Variants in LAMC2 observed in about 807,000 individuals in gnomAD.
The protein encoded by LAMC2 is laminin subunit gamma 2, also known as laminin subunit gamma-2.
Under a neutral mutation model 140.2 loss-of-function variants are expected in LAMC2, and 97 were observed. The ratio of observed to expected loss-of-function variants is 0.69; its 90% CI spans 0.59 to 0.82. LAMC2 has a LOEUF of 0.82. Ranked by LOEUF, LAMC2 falls within the 40% of genes least tolerant of loss-of-function variation. LAMC2 has a pLI of 0.00. For missense variants in LAMC2, 1,402 were observed against 1,476.1 expected (o/e 0.95, Z 0.82); for synonymous variants, 513 against 540.2 (o/e 0.95, Z 0.70).
At chr1:183,198,402 C>A (rs2102177834) in intron 1 of LAMC2, among the ~76,000 whole-genome samples, 1 of 152,188 alleles carries the variant, frequency 6.6e-6, no homozygotes, top group South Asian at 2.1e-4. Context: ...CTTGGCCTCC[C>A]AAAGTGCTGG....
intron 2 of LAMC2, among the ~76,000 whole-genome samples, chr1:183,208,648 GC>G (rs1488248768): frequency 1.3e-5 from 2 of 152,116 alleles, no homozygotes; most frequent in African/African-American, 2.4e-5. Context: ...TAATGGGGTG[GC>G]TGGTTCATAG....
At chr1:183,186,456 A>G in intron 1 of LAMC2, 25 bp downstream of exon 1, 1 of 1,600,244 alleles carries the variant, frequency 6.2e-7, no homozygotes, top group Admixed American at 1.7e-5. Context: ...ACAAGGAAAC[A>G]TCTCAGCCCT....
chr1:183,236,559 G>T lies in LAMC2; in HGVS notation c.2556G>T (p.Leu852=). 6.2e-7 allele frequency: 1 copy of T among 1,614,132 alleles called. No homozygotes were observed. Residue 852 remains leucine, a synonymous_variant, in exon 17 of 23, where the codon CTG becomes CTT. Coordinates refer to ENST00000264144, the MANE Select transcript of LAMC2 (RefSeq NM_005562.3). ...CTTATCAGCACAGTCTCCGCCTCCTGGATTCAGTGTCTCGGCTTCAGGGAG... is the reference window on the plus strand; with the variant it reads ...CTTATCAGCACAGTCTCCGCCTCCTTGATTCAGTGTCTCGGCTTCAGGGAG... ...DRSYQHSLRL[L]DSVSRLQGVS...
chr1:183,188,496 A>G (rs1487000272), intron 1 of LAMC2, among the ~76,000 whole-genome samples: 1 of 152,238 alleles, frequency 6.6e-6, no homozygotes, highest in Admixed American at 6.5e-5. Context: ...CTTTAGAGTC[A>G]GCCTGACCTG....
At chr1:183,251,288 G>A in the LAMC2 span, 1 of 152,170 alleles carries the variant, frequency 6.6e-6, no homozygotes, top group Non-Finnish European at 1.5e-5. Context: ...ACAAGACCAA[G>A]GCACTGCTTC....
chr1:183,242,440 GC>G (rs1346747042), intron 22 of LAMC2, among the ~76,000 whole-genome samples: 1 of 152,152 alleles, frequency 6.6e-6, no homozygotes, highest in Non-Finnish European at 1.5e-5. Flanking sequence ...ATTGACCAAG[GC>G]CACTCAAACC....
chr1:183,239,706 A>G (rs761873576), intron 20 of LAMC2, 143 bp downstream of exon 20: 42 of 726,690 alleles, frequency 5.8e-5, no homozygotes, highest in Admixed American at 2.5e-4. Context: ...TTAAAAGACT[A>G]TGGTAGCAAA....
Position 183,232,314 on chromosome 1 carries a change from A to G in LAMC2, c.1985A>G (p.Asp662Gly), listed in dbSNP as rs773417473. ...CAGCAGGCTGAGCAGGCCCTTCAGG[A>G]CATTCTGAGAGATGCCCAGATTTCA... ...RMQQAEQALQ[D>G]ILRDAQISEG... is the part of the protein sequence containing the mutation. The change falls in exon 13 of 23, where the codon GAC (aspartate) becomes GGC (glycine). Residue 662 changes from aspartate (D) to glycine (G), a missense_variant. Around this residue, in one of 3 missense-constraint regions of LAMC2, gnomAD observed 670 missense variants for 667.2 expected, o/e 1.00. Transcript: ENST00000264144. The G allele has an allele frequency of 6.2e-7, 1 of 1,614,122 alleles. No homozygotes were observed. Among genetic ancestry groups the G allele is most frequent in the South Asian group, 1.1e-5 (1 of 91,076 alleles).
At chr1:183,187,495 T>C (rs1186366704) in intron 1 of LAMC2, among the ~76,000 whole-genome samples, 1 of 128,778 alleles carries the variant, frequency 7.8e-6, no homozygotes, top group African/African-American at 2.6e-5. Flanking sequence ...CCATGTATGA[T>C]TGCCACCAAA....
chr1:183,226,552 A>C, intron 8 of LAMC2, 146 bp from the exon 9 acceptor site: 1 of 731,598 alleles, frequency 1.4e-6, no homozygotes, highest in Non-Finnish European at 2.4e-6. Flanking sequence ...ACAGTGGGAG[A>C]CTGCCATACC....
At position 183,231,799 on chromosome 1, in the gene LAMC2, C is replaced by G. The variant is rs189948472; in HGVS notation, c.1858-388C>G. Among the ~76,000 whole-genome samples, 124 of 152,282 alleles carry G rather than the reference C, an allele frequency of 8.1e-4. 1 individual carries two copies. Among genetic ancestry groups the G allele is most frequent in the African/African-American group, 2.7e-3 (112 of 41,564 alleles). On this transcript the variant is annotated intron_variant, in intron 12 of 22. Transcript: ENST00000264144. ...TTTTCAAACTGATCTATTTAACAAG[C>G]CTTTTACGCACTTCCTTTGTGTCAG... is the stretch of plus-strand genomic sequence containing the variant.
the LAMC2 span, among the ~76,000 whole-genome samples, chr1:183,255,203 T>C: frequency 6.6e-6 from 1 of 152,226 alleles, no homozygotes; most frequent in African/African-American, 2.4e-5. Flanking sequence ...TTTTGGTACC[T>C]TTGTCAAAAA....
At chr1:183,216,236 A>G (rs1489071921) in intron 3 of LAMC2, among the ~76,000 whole-genome samples, 1 of 152,150 alleles carries the variant, frequency 6.6e-6, no homozygotes, top group Non-Finnish European at 1.5e-5. Flanking sequence ...CCCTCCAGCC[A>G]TACTGCATTG....
intron 2 of LAMC2, among the ~76,000 whole-genome samples, chr1:183,214,402 C>G (rs1482178105): frequency 6.6e-6 from 1 of 152,064 alleles, no homozygotes; most frequent in African/African-American, 2.4e-5. Flanking sequence ...TGAGAATGTG[C>G]CAACTAGGGG....
intron 1 of LAMC2, among the ~76,000 whole-genome samples, chr1:183,188,740 C>T (rs573501057): frequency 1.3e-5 from 2 of 152,276 alleles, no homozygotes; most frequent in Admixed American, 1.3e-4. Context: ...CCAAGGCTCC[C>T]CTTCAGGATA....
chr1:183,246,013 C>CA (rs1660234788), downstream of LAMC2, among the ~76,000 whole-genome samples: 3 of 151,876 alleles, frequency 2.0e-5, no homozygotes, highest in African/African-American at 7.2e-5. Context: ...ACTAAAAATA[C>CA]AAAAAAATTA....
chr1:183,247,557 A>C (rs1452022224), downstream of LAMC2, among the ~76,000 whole-genome samples: 1 of 152,102 alleles, frequency 6.6e-6, no homozygotes, highest in African/African-American at 2.4e-5. Context: ...TAAAAGAAAA[A>C]AATACGAAGA....
chr1:183,213,748 C>CAAAAAAA (rs529019896), intron 2 of LAMC2, among the ~76,000 whole-genome samples: 1 of 68,180 alleles, frequency 1.5e-5, no homozygotes, highest in African/African-American at 5.9e-5. Context: ...TGCAGTGAGC[C>CAAAAAAA]AAAAAAAAAA....
At chr1:183,220,984 T>G in intron 5 of LAMC2, 23 bp downstream of exon 5, 1 of 1,610,910 alleles carries the variant, frequency 6.2e-7, no homozygotes, top group African/African-American at 1.3e-5. Context: ...ATTTTCTAGG[T>G]TTTAGTTTTT....
Sources: allele counts gnomAD v4.1 joint callset (sites outside exome capture counted in the v4.1 genomes callset), GRCh38; gene constraint gnomAD v4.1.1; regional missense constraint gnomAD v4.1.1; transcripts MANE v1.5; gene names NCBI Gene and HGNC (gene_info 2026-07-23, HGNC 2026-07-21).